LRRC75A: variants seen among roughly 807,000 people sequenced by gnomAD.
LRRC75A encodes leucine rich repeat containing 75A, also known as leucine-rich repeat-containing protein 75A.
Under a neutral mutation model 26.0 loss-of-function variants are expected in LRRC75A, and 12 were observed. That is an observed-to-expected ratio of 0.46 (90% CI 0.30 to 0.75). The LOEUF (loss-of-function observed/expected upper bound fraction) is 0.75, where lower values mean the gene tolerates loss of function less well. Ranked by LOEUF, LRRC75A falls within the 30% of genes least tolerant of loss-of-function variation. LRRC75A has a pLI of 0.08. For missense variants in LRRC75A, 410 were observed against 486.6 expected, an observed-to-expected ratio of 0.84 and a Z score of 1.48; for synonymous variants, 223 against 219.3, an observed-to-expected ratio of 1.02 and a Z score of -0.15.
chr17:16,484,747 ACGCGGACACTGAGGGC>A (rs1265626581), intron 1 of LRRC75A, among the ~76,000 whole-genome samples: 3 of 152,164 alleles, frequency 2.0e-5, no homozygotes, highest in Non-Finnish European at 4.4e-5. Flanking sequence ...GCAGAAAGAC[ACGCGGACACTGAGGGC>A]CGAGCAGGAG....
chr17:16,476,786 T>C (rs1028652723), intron 1 of LRRC75A, among the ~76,000 whole-genome samples: 3 of 140,578 alleles, frequency 2.1e-5, no homozygotes, highest in Admixed American at 7.6e-5. Context: ...TCACCCAGGC[T>C]GGAGTGCAGT....
At chr17:16,466,765 G>A (rs985206876) in intron 1 of LRRC75A, among the ~76,000 whole-genome samples, 1 of 152,174 alleles carries the variant, frequency 6.6e-6, no homozygotes, top group African/African-American at 2.4e-5. Context: ...CTGGGGACTC[G>A]CTGCAATGGG....
At chr17:16,485,692 G>GTA (rs370035573) in intron 1 of LRRC75A, among the ~76,000 whole-genome samples, 1,497 of 147,348 alleles carry the variant, frequency 0.01, 32 homozygotes, top group African/African-American at 0.032. Context: ...GTGTGTGTGT[G>GTA]TATGCGTGGG....
intron 2 of LRRC75A, among the ~76,000 whole-genome samples, chr17:16,455,179 T>C (rs1182798469): frequency 6.6e-6 from 1 of 152,148 alleles, no homozygotes; most frequent in Non-Finnish European, 1.5e-5. Flanking sequence ...ACGATCCGCC[T>C]GCCTCGGCCT....
intron 1 of LRRC75A, among the ~76,000 whole-genome samples, chr17:16,479,480 G>A (rs375126080): frequency 2.6e-5 from 4 of 152,210 alleles, no homozygotes; most frequent in Non-Finnish European, 5.9e-5. Flanking sequence ...GTGTCTGAGC[G>A]GGGCTGAACT....
intron 1 of LRRC75A, among the ~76,000 whole-genome samples, chr17:16,474,647 A>C (rs537235717): frequency 6.6e-6 from 1 of 152,162 alleles, no homozygotes; most frequent in Admixed American, 6.5e-5. Context: ...AAATGCATTC[A>C]AGTCCATTTG....
In LRRC75A at chr17:16,491,621, G is replaced by T; in HGVS notation, c.246+124C>A. ...CTGCCAGACAGGGCTCCATCCCCGC[G>T]GAAGGGGCCCCTGGGCGGTGCCCCT... On this transcript the variant is annotated intron_variant, in intron 1 of 3. Coordinates refer to ENST00000470794, the MANE Select transcript of LRRC75A (RefSeq NM_001113567.3). This position sits in a 1 kb window ranked among gnomAD's most constrained non-coding sequence, Gnocchi z 5.9. The T allele has an allele frequency of 1.5e-6, 1 of 656,886 alleles. No individual in the cohort carries two copies. Among genetic ancestry groups the T allele is most frequent in the Non-Finnish European group, 2.1e-6 (1 of 469,722 alleles). 40.7% of individuals were successfully genotyped at this position (656,886 alleles called of 1,614,324 possible). A position where few individuals can be genotyped will look rare whatever the true frequency, so the allele number is the denominator to read the frequency against.
At chr17:16,446,475 C>T (rs144136830) in intron 3 of LRRC75A, among the ~76,000 whole-genome samples, 115 of 152,216 alleles carry the variant, frequency 7.6e-4, no homozygotes, top group Non-Finnish European at 1.3e-3. Context: ...GCAGAGGGCA[C>T]AAAGGCCCTG....
At chr17:16,451,493 C>T (rs537084312) in intron 2 of LRRC75A, among the ~76,000 whole-genome samples, 6 of 151,724 alleles carry the variant, frequency 4.0e-5, no homozygotes, top group East Asian at 2.0e-4. Flanking sequence ...TGACGGCGGG[C>T]GCCTGTGATC....
chr17:16,449,517 T>G (rs1199144833), intron 2 of LRRC75A, among the ~76,000 whole-genome samples: 1 of 152,128 alleles, frequency 6.6e-6, no homozygotes, highest in African/African-American at 2.4e-5. Flanking sequence ...ACACTCTAAG[T>G]GAATACCGTG....
chr17:16,465,217 C>T (rs537628320), intron 1 of LRRC75A, among the ~76,000 whole-genome samples: 1 of 152,338 alleles, frequency 6.6e-6, no homozygotes, highest in Admixed American at 6.5e-5. Flanking sequence ...TGTGAGCACC[C>T]CTGGCACCTA....
intron 2 of LRRC75A, among the ~76,000 whole-genome samples, chr17:16,457,468 A>G (rs11871017): frequency 0.19 from 28,687 of 152,080 alleles, 3,411 homozygotes; most frequent in Middle Eastern, 0.28. Context: ...AGGAGGAGAG[A>G]CGGATGGGGG....
intron 2 of LRRC75A, among the ~76,000 whole-genome samples, chr17:16,457,069 G>A (rs1223255409): frequency 6.6e-6 from 1 of 152,156 alleles, no homozygotes; most frequent in African/African-American, 2.4e-5. Flanking sequence ...AGGCTGACCT[G>A]GGAGGGGTAC....
chr17:16,479,224 C>T (rs1470535708), intron 1 of LRRC75A, among the ~76,000 whole-genome samples: 1 of 152,252 alleles, frequency 6.6e-6, no homozygotes, highest in Non-Finnish European at 1.5e-5. Context: ...GGACTGGTAG[C>T]TGGAACTTTC....
Position 16,443,190 on chromosome 17 carries a change from G to GTAATGCAGTACATGTAGGGGCCCTACT in LRRC75A, c.*371_*397dup, listed in dbSNP as rs2093548555. The GTAATGCAGTACATGTAGGGGCCCTACT allele has an allele frequency of 1.1e-5, 2 of 183,870 alleles. No individual in the cohort carries two copies. The highest frequency in any genetic ancestry group is 2.2e-5 in the Non-Finnish European group (2 of 89,426). 11.4% of individuals were successfully genotyped at this position (183,870 alleles called of 1,614,324 possible). A position where few individuals can be genotyped will look rare whatever the true frequency, so the allele number is the denominator to read the frequency against. Reference sequence around the variant, plus strand: ...GAGCTTGTTCCCCTAAATGAAAAATGTAATGCAGTACATGTAGGGGCCCTA... The same window carrying GTAATGCAGTACATGTAGGGGCCCTACT: ...GAGCTTGTTCCCCTAAATGAAAAATGTAATGCAGTACATGTAGGGGCCCTACTTAATGCAGTACATGTAGGGGCCCTA... On this transcript the variant is annotated 3_prime_UTR_variant, in exon 4 of 4. Transcript: ENST00000470794.
At chr17:16,486,065 G>A (rs2093846548) in intron 1 of LRRC75A, among the ~76,000 whole-genome samples, 1 of 152,234 alleles carries the variant, frequency 6.6e-6, no homozygotes. Context: ...TGGAGGAAGT[G>A]TGTGCCTGAT....
chr17:16,481,930 G>T (rs927442584), intron 1 of LRRC75A, among the ~76,000 whole-genome samples: 1 of 152,108 alleles, frequency 6.6e-6, no homozygotes, highest in East Asian at 1.9e-4. Context: ...TCCATAGTCC[G>T]CATACGCAGA....
At chr17:16,465,233 C>A (rs917250005) in intron 1 of LRRC75A, among the ~76,000 whole-genome samples, 6 of 152,340 alleles carry the variant, frequency 3.9e-5, no homozygotes, top group Non-Finnish European at 8.8e-5. Flanking sequence ...ACCTAGTGGT[C>A]TCCCCCTTAC....
intron 2 of LRRC75A, among the ~76,000 whole-genome samples, chr17:16,457,503 G>A (rs987287189): frequency 6.6e-5 from 10 of 152,254 alleles, no homozygotes; most frequent in South Asian, 4.1e-4. Flanking sequence ...CCCCCACTTC[G>A]GCATGTGCAG....
Sources: allele counts gnomAD v4.1 joint callset (sites outside exome capture counted in the v4.1 genomes callset), GRCh38; gene constraint gnomAD v4.1.1; non-coding constraint Gnocchi (gnomAD v3.1); transcripts MANE v1.5; gene names NCBI Gene and HGNC (gene_info 2026-07-23, HGNC 2026-07-21).